Variants in CMIP observed in about 807,000 individuals in gnomAD.
CMIP encodes the protein c-Maf inducing protein, also known as C-Maf-inducing protein.
A neutral mutation model predicts 97.3 loss-of-function variants in CMIP; 13 were observed. The ratio of observed to expected loss-of-function variants is 0.13; its 90% CI spans 0.09 to 0.21. The LOEUF is 0.21. CMIP is among the 10% of genes least tolerant of loss of function. The probability of loss-of-function intolerance (pLI) is 1.00; values close to 1 mark genes in which losing one functional copy is unlikely to be tolerated. For missense variants in CMIP, 847 were observed against 1,024.9 expected (o/e 0.83, Z 2.37); for synonymous variants, 538 against 436.3 (o/e 1.23, Z -2.91).
chr16:81,457,545 C>G (rs922112733), intron 1 of CMIP, among the ~76,000 whole-genome samples: 2 of 152,254 alleles, frequency 1.3e-5, no homozygotes, highest in South Asian at 2.1e-4. Flanking sequence ...TGCTGGCCCA[C>G]TGCTCCCCAC....
chr16:81,457,615 C>A (rs981666152), intron 1 of CMIP, among the ~76,000 whole-genome samples: 6 of 152,356 alleles, frequency 3.9e-5, no homozygotes, highest in Admixed American at 3.9e-4. Context: ...CGGGGGGCCA[C>A]ATTACCCCTG....
Position 81,549,947 on chromosome 16 carries a change from T to C in CMIP, c.301-57620T>C, listed in dbSNP as rs538248482. Among the ~76,000 whole-genome samples the C allele has an allele frequency of 2.6e-5, 4 of 152,352 alleles. No homozygotes were observed. The South Asian group carries it at 8.3e-4, about 32-fold the overall frequency. On this transcript the variant is annotated intron_variant, in intron 1 of 20. Transcript: ENST00000537098. ...GCTTGTGCATTTGTGTGTGTGTGTA[T>C]GTGCACACAAGCCTGTGCCGTCCAA...
chr16:81,571,946 C>T (rs2091098248), intron 1 of CMIP, among the ~76,000 whole-genome samples: 1 of 152,220 alleles, frequency 6.6e-6, no homozygotes, highest in Non-Finnish European at 1.5e-5. Context: ...CACCCAGCTG[C>T]CCTCAGCCTT....
At chr16:81,687,715 G>A (rs1905566591) in intron 10 of CMIP, among the ~76,000 whole-genome samples, 1 of 152,182 alleles carries the variant, frequency 6.6e-6, no homozygotes, top group Non-Finnish European at 1.5e-5. Flanking sequence ...AAGCCCATCT[G>A]TACTCAGACT....
At chr16:81,446,026 A>C (rs1274640078) in intron 1 of CMIP, among the ~76,000 whole-genome samples, 1 of 151,922 alleles carries the variant, frequency 6.6e-6, no homozygotes. Context: ...AATTTCCAGA[A>C]GCCAGTTTCT....
intron 5 of CMIP, among the ~76,000 whole-genome samples, chr16:81,660,475 A>C (rs186525598): frequency 6.6e-6 from 1 of 152,070 alleles, no homozygotes; most frequent in East Asian, 1.9e-4. Context: ...GAGTTTCCCT[A>C]TGTTGGCCAG....
intron 1 of CMIP, among the ~76,000 whole-genome samples, chr16:81,595,228 A>G (rs1348779368): frequency 6.6e-6 from 1 of 152,090 alleles, no homozygotes; most frequent in South Asian, 2.1e-4. Flanking sequence ...ACCCATTAGT[A>G]TCATACCCCA....
chr16:81,598,048 T>G (rs1408365182), intron 1 of CMIP, among the ~76,000 whole-genome samples: 2 of 152,098 alleles, frequency 1.3e-5, no homozygotes, highest in East Asian at 3.9e-4. Flanking sequence ...TCCCCTGTAG[T>G]TCTGAGTCTC....
intron 1 of CMIP, among the ~76,000 whole-genome samples, chr16:81,578,402 G>A (rs1189865262): frequency 6.6e-6 from 1 of 152,250 alleles, no homozygotes; most frequent in Non-Finnish European, 1.5e-5. Flanking sequence ...GTCAATGGCA[G>A]TCCCAGCCCT....
At chr16:81,566,134 G>C (rs1205060593) in intron 1 of CMIP, among the ~76,000 whole-genome samples, 1 of 152,242 alleles carries the variant, frequency 6.6e-6, no homozygotes, top group Non-Finnish European at 1.5e-5. Context: ...CAGTCCAGGG[G>C]AGACAGAGGT....
At chr16:81,596,922 C>G (rs2091566945) in intron 1 of CMIP, among the ~76,000 whole-genome samples, 1 of 152,340 alleles carries the variant, frequency 6.6e-6, no homozygotes, top group East Asian at 1.9e-4. Flanking sequence ...TGACATGCTT[C>G]TGTCCAGTTG....
At chr16:81,687,730 C>T (rs966281488) in intron 10 of CMIP, among the ~76,000 whole-genome samples, 5 of 152,180 alleles carry the variant, frequency 3.3e-5, no homozygotes, top group African/African-American at 7.2e-5. Context: ...CAGACTGAGA[C>T]GCCGGCGAGT....
intron 10 of CMIP, chr16:81,691,520 T>C (rs1054821363): frequency 3.6e-6 from 2 of 557,772 alleles, no homozygotes; most frequent in African/African-American, 3.8e-5. Flanking sequence ...AAGGGCATTG[T>C]GAAGTCTGGG....
chr16:81,576,074 T>C (rs2091183558), intron 1 of CMIP, among the ~76,000 whole-genome samples: 1 of 152,160 alleles, frequency 6.6e-6, no homozygotes, highest in Non-Finnish European at 1.5e-5. Flanking sequence ...TGAGATATCT[T>C]GTAAGATACT....
At chr16:81,513,204 G>A (rs767621012) in intron 1 of CMIP, among the ~76,000 whole-genome samples, 1 of 152,174 alleles carries the variant, frequency 6.6e-6, no homozygotes, top group Non-Finnish European at 1.5e-5. Context: ...CCCCTAGATC[G>A]AGTTTTCGTA....
intron 1 of CMIP, among the ~76,000 whole-genome samples, chr16:81,543,428 C>T (rs1053243189): frequency 2.6e-5 from 4 of 152,180 alleles, no homozygotes; most frequent in Non-Finnish European, 4.4e-5. Flanking sequence ...AGTGTCCCCA[C>T]ATTGAAGTTC....
At chr16:81,528,774 G>A (rs1165128531) in intron 1 of CMIP, among the ~76,000 whole-genome samples, 2 of 152,182 alleles carry the variant, frequency 1.3e-5, no homozygotes, top group African/African-American at 4.8e-5. Flanking sequence ...TAAGGTCATA[G>A]AGCATGGTCC....
At chr16:81,596,543 T>G (rs977307947) in intron 1 of CMIP, among the ~76,000 whole-genome samples, 4 of 151,654 alleles carry the variant, frequency 2.6e-5, no homozygotes, top group African/African-American at 9.7e-5. Context: ...ATTGGAACAT[T>G]GCATACACAC....
intron 1 of CMIP, among the ~76,000 whole-genome samples, chr16:81,600,237 C>G (rs1280297979): frequency 7.2e-6 from 1 of 138,468 alleles, no homozygotes; most frequent in Admixed American, 7.6e-5. Context: ...GATCGCACCA[C>G]TGCACTCCAG....
Sources: allele counts gnomAD v4.1 joint callset (sites outside exome capture counted in the v4.1 genomes callset), GRCh38; gene constraint gnomAD v4.1.1; transcripts MANE v1.5; gene names NCBI Gene and HGNC (gene_info 2026-07-23, HGNC 2026-07-21).